KIAA2012: variants seen among roughly 807,000 people sequenced by gnomAD.
The protein encoded by KIAA2012 is uncharacterized protein KIAA2012.
In KIAA2012, 125 loss-of-function variants were observed where a neutral mutation model predicts 150.6. The ratio of observed to expected loss-of-function variants is 0.83; its 90% CI spans 0.72 to 0.96. KIAA2012 has a LOEUF of 0.96. Ranked by LOEUF, KIAA2012 falls within the 40% of genes least tolerant of loss-of-function variation. The pLI is 0.00. For missense variants in KIAA2012, 1,219 were observed against 1,354.9 expected (o/e 0.90, Z 1.57); for synonymous variants, 462 against 504.7 (o/e 0.92, Z 1.13).
chr2:202,154,654 T>C lies in KIAA2012; in HGVS notation c.1909-19T>C. On this transcript the variant is annotated intron_variant, in intron 13 of 23. Transcript: ENST00000498697. ...ATATCATTCATATGAAAGTTCGGGC[T>C]TTCTGCTTCTCTTCACAGGGAGCCC... 1 of 1,521,606 alleles carries C rather than the reference T, an allele frequency of 6.6e-7. No individual in the cohort carries two copies. The highest frequency in any genetic ancestry group is 1.3e-5 in the South Asian group (1 of 78,896). 94.3% of individuals were successfully genotyped at this position (1,521,606 alleles called of 1,614,324 possible).
chr2:202,128,750 A>G (rs1690856616), intron 12 of KIAA2012, among the ~76,000 whole-genome samples: 1 of 150,812 alleles, frequency 6.6e-6, no homozygotes, highest in Non-Finnish European at 1.5e-5. Context: ...TTGGAAACTT[A>G]ATCACTATGC....
In KIAA2012 at chr2:202,120,014, T is replaced by C. The variant is rs553025097; in HGVS notation, c.1763-5200T>C. The stretch of plus-strand genomic sequence containing the variant: ...GGGAGTTTCCCTGCACAAGCTCTCT[T>C]TGCCTGCTGCTATCCATGTAAGATG... On this transcript the variant is annotated intron_variant, in intron 11 of 23. Transcript: ENST00000498697. 4.6e-5 allele frequency among the ~76,000 whole-genome samples: 7 copies of C among 152,324 alleles called. No individual in the cohort carries two copies. In the South Asian group the frequency reaches 1.5e-3, roughly 32 times the overall value.
chr2:202,144,544 T>C (rs536517770), intron 13 of KIAA2012, among the ~76,000 whole-genome samples: 23 of 152,264 alleles, frequency 1.5e-4, no homozygotes, highest in African/African-American at 5.3e-4. Flanking sequence ...ATAAAACACC[T>C]GTAGACACAC....
Position 202,193,286 on chromosome 2 carries a change from A to C in KIAA2012, c.2812-15A>C. The C allele has an allele frequency of 2.6e-6, 4 of 1,548,474 alleles. No individual in the cohort carries two copies. Among genetic ancestry groups the C allele is most frequent in the Non-Finnish European group, 3.5e-6 (4 of 1,146,602 alleles). On this transcript the variant is annotated splice_polypyrimidine_tract_variant and intron_variant, in intron 19 of 23. Coordinates refer to ENST00000498697, the MANE Select transcript of KIAA2012 (RefSeq NM_001277372.4). ...CCCATCTGTTTATTGCACTGAGAAC[A>C]CTCTGGTTTCTTAGGCCCTCCTCAC...
intron 11 of KIAA2012, among the ~76,000 whole-genome samples, chr2:202,120,000 T>C (rs1690620325): frequency 6.6e-6 from 1 of 152,220 alleles, no homozygotes; most frequent in Non-Finnish European, 1.5e-5. Context: ...GGAGTTTCCC[T>C]GCACAAGCTC....
chr2:202,200,945 A>AT (rs1288298694), intron 22 of KIAA2012, among the ~76,000 whole-genome samples: 1 of 151,896 alleles, frequency 6.6e-6, no homozygotes, highest in African/African-American at 2.4e-5. Flanking sequence ...ACCTCAAGTG[A>AT]TCCGCCTGCC....
intron 13 of KIAA2012, among the ~76,000 whole-genome samples, chr2:202,153,952 T>A (rs1239405848): frequency 6.6e-6 from 1 of 152,146 alleles, no homozygotes; most frequent in Non-Finnish European, 1.5e-5. Context: ...TATGGTCCAG[T>A]ATGCATCTTC....
At chr2:202,192,897 T>G (rs959256194) in intron 19 of KIAA2012, among the ~76,000 whole-genome samples, 1 of 152,192 alleles carries the variant, frequency 6.6e-6, no homozygotes, top group Non-Finnish European at 1.5e-5. Context: ...ATTACAGGCA[T>G]GAACTGCTGC....
chr2:202,134,446 C>A (rs1691019699), intron 12 of KIAA2012, among the ~76,000 whole-genome samples: 2 of 152,236 alleles, frequency 1.3e-5, no homozygotes, highest in South Asian at 4.1e-4. Flanking sequence ...AATAAGGTGA[C>A]TCTTTGGAGC....
intron 12 of KIAA2012, among the ~76,000 whole-genome samples, chr2:202,134,498 C>T (rs1308577470): frequency 6.6e-6 from 1 of 152,164 alleles, no homozygotes; most frequent in Non-Finnish European, 1.5e-5. Context: ...AAAGAGGGTC[C>T]CATACCAAGG....
chr2:202,186,623 A>G (rs1048382146), intron 16 of KIAA2012, among the ~76,000 whole-genome samples: 2 of 152,250 alleles, frequency 1.3e-5, no homozygotes, highest in African/African-American at 2.4e-5. Flanking sequence ...TAATCCTTTG[A>G]TAGAAGAAAT....
At chr2:202,091,402 A>C (rs1689715722) in intron 3 of KIAA2012, among the ~76,000 whole-genome samples, 1 of 152,152 alleles carries the variant, frequency 6.6e-6, no homozygotes, top group African/African-American at 2.4e-5. Flanking sequence ...ACCCCATCTG[A>C]GGTGATCCCA....
At chr2:202,193,696 C>A (rs1692360215) in intron 20 of KIAA2012, among the ~76,000 whole-genome samples, 193 bp downstream of exon 20, 1 of 152,208 alleles carries the variant, frequency 6.6e-6, no homozygotes, top group Non-Finnish European at 1.5e-5. Flanking sequence ...GCGTCTCAAC[C>A]ATGTGCATTG....
rs1553550436 is a variant in KIAA2012, at chr2:202,086,182, A to AAAG, written c.370-4586_370-4585insGAA. Among the ~76,000 whole-genome samples, 15 of 150,898 alleles carry AAAG rather than the reference A, an allele frequency of 9.9e-5. No homozygotes were observed. In the South Asian group the frequency reaches 2.5e-3, roughly 25 times the overall value. ...AACTCTGTCTCAAAAAAAAAAAAAA[A>AAAG]AAAAGAAAGAAAGAAAAGAAAAAGA... is the stretch of plus-strand genomic sequence containing the variant. On this transcript the variant is annotated intron_variant, in intron 2 of 23. Transcript: ENST00000498697.
At chr2:202,155,810 A>G (rs908248912) in intron 14 of KIAA2012, among the ~76,000 whole-genome samples, 4 of 152,174 alleles carry the variant, frequency 2.6e-5, no homozygotes, top group African/African-American at 9.7e-5. Flanking sequence ...AGAGTCATGC[A>G]TTTGCCCAAA....
rs1266054579 is a variant in KIAA2012 at position 202,186,913 on chromosome 2, T to C, written c.2211-20T>C. The C allele has an allele frequency of 7.1e-6, 11 of 1,546,878 alleles. No individual in the cohort carries two copies. The highest frequency in any genetic ancestry group is 4.1e-5 in the African/African-American group (3 of 72,864). On this transcript the variant is annotated intron_variant, in intron 16 of 23. Coordinates refer to ENST00000498697, the MANE Select transcript of KIAA2012 (RefSeq NM_001277372.4). ...AGAGTTTTTCTTTAGTTTGGTCCTG[T>C]TGGTTTGCTCTTTTCAAAGGGGCAG...
intron 8 of KIAA2012, among the ~76,000 whole-genome samples, chr2:202,103,427 G>C (rs1286038103): frequency 6.6e-6 from 1 of 151,702 alleles, no homozygotes; most frequent in Non-Finnish European, 1.5e-5. Flanking sequence ...GAATTTTTCA[G>C]GCAGCTTACA....
intron 12 of KIAA2012, among the ~76,000 whole-genome samples, chr2:202,133,130 A>ATTTTT (rs60064904): frequency 5.9e-5 from 4 of 67,794 alleles, no homozygotes; most frequent in African/African-American, 1.7e-4. Context: ...ATATATATAT[A>ATTTTT]TTTTTTTTTT....
intron 22 of KIAA2012, among the ~76,000 whole-genome samples, chr2:202,199,532 A>C (rs1424392391): frequency 6.6e-6 from 1 of 152,208 alleles, no homozygotes; most frequent in Non-Finnish European, 1.5e-5. Flanking sequence ...AGTTAACTGC[A>C]CTACAGTGTA....
Sources: allele counts gnomAD v4.1 joint callset (sites outside exome capture counted in the v4.1 genomes callset), GRCh38; gene constraint gnomAD v4.1.1; transcripts MANE v1.5; gene names NCBI Gene and HGNC (gene_info 2026-07-23, HGNC 2026-07-21).